PRELP: variants seen among roughly 807,000 people sequenced by gnomAD.
The protein encoded by PRELP is prolargin.
In PRELP, 16 loss-of-function variants were observed where a neutral mutation model predicts 22.8. The observed-to-expected ratio is 0.70, with a 90% CI of 0.47 to 1.06. PRELP has a LOEUF of 1.06. Among genes scored for constraint, PRELP ranks in the 50% least tolerant of loss-of-function variants. The pLI is 0.00. For missense variants in PRELP, 434 were observed against 485.2 expected (o/e 0.89, Z 0.99); for synonymous variants, 233 against 211.4 (o/e 1.10, Z -0.89).
At chr1:203,479,321 C>A (rs2102205446) in intron 1 of PRELP, among the ~76,000 whole-genome samples, 1 of 152,264 alleles carries the variant, frequency 6.6e-6, no homozygotes, top group East Asian at 1.9e-4. Context: ...TCCACCCAAC[C>A]CTGCCCTGAG....
rs1248823558 is a variant in PRELP, at chr1:203,483,796, C to A, written c.612C>A (p.His204Gln). The change falls in exon 2 of 3, where the codon CAC becomes CAA. Residue 204 changes from histidine to glutamine, a missense_variant. Physicochemically the swap from His to Gln is conservative, Grantham distance 24. Coordinates refer to ENST00000343110, the MANE Select transcript of PRELP (RefSeq NM_002725.4). This position sits in a 1 kb window ranked among gnomAD's most constrained non-coding sequence, Gnocchi z 4.4. The part of the protein sequence containing the change: ...LENLLLLDLQ[H>Q]NRLSDGVFKP... ...ACCTGCTGCTCCTGGATCTCCAGCA[C>A]AACAGGCTGAGCGACGGCGTCTTCA... The A allele has an allele frequency of 2.5e-6, 4 of 1,614,216 alleles. No individual in the cohort carries two copies. In the Admixed American group the frequency reaches 5.0e-5, roughly 20 times the overall value.
At chr1:203,480,004 C>T (rs1660973104) in intron 1 of PRELP, among the ~76,000 whole-genome samples, 1 of 152,052 alleles carries the variant, frequency 6.6e-6, no homozygotes, top group South Asian at 2.1e-4. Context: ...ATTTGAAAGG[C>T]CGAGGTGGGA....
intron 1 of PRELP, among the ~76,000 whole-genome samples, chr1:203,482,758 T>A (rs1044074989): frequency 6.6e-6 from 1 of 151,726 alleles, no homozygotes; most frequent in African/African-American, 2.4e-5. Context: ...CCACCACGCC[T>A]GGCTAATTTT....
In PRELP at chr1:203,483,074, T is replaced by TAGAGCTCTAGGGAAGATGGGC; in HGVS notation, c.-16-85_-16-84insGGAAGATGGGCAGAGCTCTAG. 2 of 1,023,754 alleles carry TAGAGCTCTAGGGAAGATGGGC rather than the reference T, an allele frequency of 2.0e-6. No individual in the cohort carries two copies. The highest frequency in any genetic ancestry group is 2.9e-6 in the Non-Finnish European group (2 of 691,928). The allele number at this position is 1,023,754 out of a possible 1,614,324, so 63.4% of individuals were successfully genotyped here. On this transcript the variant is annotated intron_variant, in intron 1 of 2. Transcript: ENST00000343110. This position sits in a 1 kb window ranked among gnomAD's most constrained non-coding sequence, Gnocchi z 4.4. Reference sequence around the variant, plus strand: ...CTCCCTGAGCTCTGCCCATCTTCCCTAGAGCTCTAGTTCTGCCCAACTCTG... The same window carrying TAGAGCTCTAGGGAAGATGGGC: ...CTCCCTGAGCTCTGCCCATCTTCCCTAGAGCTCTAGGGAAGATGGGCAGAGCTCTAGTTCTGCCCAACTCTG...
intron 2 of PRELP, among the ~76,000 whole-genome samples, chr1:203,485,843 A>T (rs1661084608): frequency 6.6e-6 from 1 of 152,248 alleles, no homozygotes; most frequent in Admixed American, 6.5e-5. Flanking sequence ...TGCCACAGGC[A>T]TCCAACAAGA....
At position 203,489,427 on chromosome 1, in the gene PRELP, C is replaced by T. The variant is rs1661153360; in HGVS notation, c.*2546C>T. 6.6e-6 allele frequency: 1 copy of T among 152,230 alleles called. No individual in the cohort carries two copies. The highest frequency in any genetic ancestry group is 6.5e-5 in the Admixed American group (1 of 15,282). The allele number at this position is 152,230 out of a possible 1,614,324, so 9.4% of individuals were successfully genotyped here. A position where few individuals can be genotyped will look rare whatever the true frequency, so the allele number is the denominator to read the frequency against. On this transcript the variant is annotated 3_prime_UTR_variant, in exon 3 of 3. Transcript: ENST00000343110. ...TGGTTTCTTTCAAGTTTAAAAAAAG[C>T]CCCCTTCTCCATGCACAAGTTCATT...
chr1:203,476,211 C>T (rs918241897), intron 1 of PRELP, among the ~76,000 whole-genome samples: 4 of 152,180 alleles, frequency 2.6e-5, no homozygotes, highest in East Asian at 3.8e-4. Context: ...CAGAGAGCCA[C>T]GCTGCACAAA....
In PRELP at chr1:203,483,046, C is replaced by T; in HGVS notation, c.-16-123C>T. 1 of 787,088 alleles carries T rather than the reference C, an allele frequency of 1.3e-6. No homozygotes were observed. Among genetic ancestry groups the T allele is most frequent in the Non-Finnish European group, 2.1e-6 (1 of 486,918 alleles). 48.8% of individuals were successfully genotyped at this position (787,088 alleles called of 1,614,324 possible). ...ACAGGCAAACAAGGAGATGCTTCCA[C>T]AGCTCCCTGAGCTCTGCCCATCTTC... On this transcript the variant is annotated intron_variant, in intron 1 of 2. Transcript: ENST00000343110. This position sits in a 1 kb window ranked among gnomAD's most constrained non-coding sequence, Gnocchi z 4.4.
Position 203,483,677 on chromosome 1 carries a change from G to A in PRELP, c.493G>A (p.Val165Ile). The change falls in exon 2 of 3, where the codon GTC (valine) becomes ATC (isoleucine). Residue 165 changes from valine (V) to isoleucine (I), a missense_variant. Physicochemically the swap from Val to Ile is conservative, Grantham distance 29. Coordinates refer to ENST00000343110, the MANE Select transcript of PRELP (RefSeq NM_002725.4). The surrounding 1 kb of genome is among the most constrained non-coding windows in gnomAD (Gnocchi z 4.4). ...CATGGAGAAGAACCAGTTGGAAGAG[G>A]TCCCCTCGGCCCTGCCCCGGAACCT... ...LYMEKNQLEE[V>I]PSALPRNLEQ... 1 of 1,614,178 alleles carries A rather than the reference G, an allele frequency of 6.2e-7. No individual in the cohort carries two copies. The highest frequency in any genetic ancestry group is 1.1e-5 in the South Asian group (1 of 91,078).
At position 203,486,984 on chromosome 1, in the gene PRELP, CTT is replaced by C. The variant is rs1415265636; in HGVS notation, c.*105_*106del. 1.6e-6 allele frequency: 2 copies of C among 1,285,984 alleles called. No homozygotes were observed. The highest frequency in any genetic ancestry group is 1.1e-6 in the Non-Finnish European group (1 of 951,760). 79.7% of individuals were successfully genotyped at this position (1,285,984 alleles called of 1,614,324 possible). ...CTCTCTCTCCCTTTCTTTCTCCCAG[CTT>C]TGCCTCCCTTATCCCACCCTCGAGG... On this transcript the variant is annotated 3_prime_UTR_variant, in exon 3 of 3. Coordinates refer to ENST00000343110, the MANE Select transcript of PRELP (RefSeq NM_002725.4).
chr1:203,481,012 A>ACCCCC (rs1553299745), intron 1 of PRELP, among the ~76,000 whole-genome samples: 8 of 150,394 alleles, frequency 5.3e-5, no homozygotes, highest in South Asian at 2.1e-4. Flanking sequence ...AGCCAAGGAA[A>ACCCCC]CCCCGCCCCG....
rs568721015 is a variant in PRELP, at chr1:203,476,886, C to T, written c.-17+948C>T. The stretch of plus-strand genomic sequence containing the variant: ...CCAGAAAAATATTTTTCTTTAAAGC[C>T]GTTCTGAAATTATTCCAACCATTTA... On this transcript the variant is annotated intron_variant, in intron 1 of 2. Coordinates refer to ENST00000343110, the MANE Select transcript of PRELP (RefSeq NM_002725.4). Among the ~76,000 whole-genome samples, 37 of 151,214 alleles carry T rather than the reference C, an allele frequency of 2.4e-4. No individual in the cohort carries two copies. The South Asian group carries it at 6.5e-3, about 26-fold the overall frequency.
chr1:203,476,403 T>C (rs1188019726), intron 1 of PRELP, among the ~76,000 whole-genome samples: 1 of 152,204 alleles, frequency 6.6e-6, no homozygotes. Context: ...CTCTGCCCTC[T>C]GCATCTGACA....
chr1:203,486,261 T>G (rs897008310), intron 2 of PRELP, among the ~76,000 whole-genome samples: 1 of 152,168 alleles, frequency 6.6e-6, no homozygotes, highest in African/African-American at 2.4e-5. Context: ...CAAAAGCCTC[T>G]TAGTGAAAGC....
At chr1:203,476,462 CAT>C (rs1474165249) in intron 1 of PRELP, among the ~76,000 whole-genome samples, 2 of 152,210 alleles carry the variant, frequency 1.3e-5, no homozygotes, top group Non-Finnish European at 2.9e-5. Context: ...CACACACACA[CAT>C]GCATGCACAC....
intron 1 of PRELP, among the ~76,000 whole-genome samples, chr1:203,478,877 T>G (rs1461888165): frequency 6.6e-6 from 1 of 152,110 alleles, no homozygotes; most frequent in Non-Finnish European, 1.5e-5. Context: ...TCAGGCTCAC[T>G]CCTCTACTAA....
Position 203,483,513 on chromosome 1 carries a change from A to G in PRELP, c.329A>G (p.Gln110Arg), listed in dbSNP as rs1661043199. 1.2e-6 allele frequency: 2 copies of G among 1,614,224 alleles called. No homozygotes were observed. The highest frequency in any genetic ancestry group is 8.5e-7 in the Non-Finnish European group (1 of 1,180,030). Residue 110 changes from glutamine to arginine, a missense_variant, in exon 2 of 3, where the codon CAG (glutamine) becomes CGG (arginine). Physicochemically the swap from Gln to Arg is conservative, Grantham distance 43 (BLOSUM62 1). Transcript: ENST00000343110. The surrounding 1 kb of genome is among the most constrained non-coding windows in gnomAD (Gnocchi z 4.4). Reference protein sequence around the residue: ...IPPRIHYLYLQNNFITELPVE... With the variant: ...IPPRIHYLYLRNNFITELPVE... ...CCCCGCATCCATTACCTCTATCTCC[A>G]GAACAACTTCATCACTGAGCTCCCG...
rs1661134447 is a variant in PRELP, at chr1:203,488,369, A to G, written c.*1488A>G. On this transcript the variant is annotated 3_prime_UTR_variant, in exon 3 of 3. Coordinates refer to ENST00000343110, the MANE Select transcript of PRELP (RefSeq NM_002725.4). Reference sequence around the variant, plus strand: ...CCCCCGTCTCTACTAAAATACAAAAAAATTAGCCAGGCATAGTGGCGCGCG... The same window carrying G: ...CCCCCGTCTCTACTAAAATACAAAAGAATTAGCCAGGCATAGTGGCGCGCG... 6.6e-6 allele frequency: 1 copy of G among 152,156 alleles called. No homozygotes were observed. Among genetic ancestry groups the G allele is most frequent in the Non-Finnish European group, 1.5e-5 (1 of 68,062 alleles). 9.4% of individuals were successfully genotyped at this position (152,156 alleles called of 1,614,324 possible).
chr1:203,482,064 G>A (rs1478639324), intron 1 of PRELP, among the ~76,000 whole-genome samples: 1 of 152,194 alleles, frequency 6.6e-6, no homozygotes, highest in Non-Finnish European at 1.5e-5. Flanking sequence ...TCACAGAAAT[G>A]AAAGCAGAGT....
Sources: allele counts gnomAD v4.1 joint callset (sites outside exome capture counted in the v4.1 genomes callset), GRCh38; gene constraint gnomAD v4.1.1; non-coding constraint Gnocchi (gnomAD v3.1); transcripts MANE v1.5; gene names NCBI Gene and HGNC (gene_info 2026-07-23, HGNC 2026-07-21).